ADARB2: variants seen among roughly 807,000 people sequenced by gnomAD.
ADARB2 encodes the protein inactive double-stranded RNA-specific editase B2.
Under a neutral mutation model 62.2 loss-of-function variants are expected in ADARB2, and 25 were observed. The observed-to-expected ratio is 0.40, with a 90% CI of 0.29 to 0.56. The LOEUF (loss-of-function observed/expected upper bound fraction) is 0.56. ADARB2 is among the 20% of genes least tolerant of loss of function. The probability of loss-of-function intolerance (pLI) is 0.43; values close to 1 mark genes in which losing one functional copy is unlikely to be tolerated. For missense variants in ADARB2, 1,071 were observed against 1,077.4 expected (o/e 0.99, Z 0.08); for synonymous variants, 572 against 500.8 (o/e 1.14, Z -1.90).
At chr10:1,729,025 A>G (rs1835200041) in intron 1 of ADARB2, among the ~76,000 whole-genome samples, 1 of 152,230 alleles carries the variant, frequency 6.6e-6, no homozygotes, top group Non-Finnish European at 1.5e-5. Context: ...ATTGGCATAG[A>G]ATTCTGAGAA....
chr10:1,587,673 T>C (rs1833198039), intron 1 of ADARB2, among the ~76,000 whole-genome samples: 2 of 152,208 alleles, frequency 1.3e-5, no homozygotes, highest in South Asian at 4.1e-4. Flanking sequence ...CATTTTATTT[T>C]TTTCTGTGCT....
intron 3 of ADARB2, among the ~76,000 whole-genome samples, chr10:1,351,119 G>A (rs1466819124): frequency 6.6e-6 from 1 of 152,086 alleles, no homozygotes; most frequent in Non-Finnish European, 1.5e-5. Context: ...CTGAAAATCA[G>A]ACTGTTCAAC....
At position 1,242,152 on chromosome 10, in the gene ADARB2, G is replaced by A. The variant is rs758570790; in HGVS notation, c.1340C>T (p.Thr447Met). ...TCACCTCAGGTGCAGCTCCAGCTGC[G>A]TGTAGAGGAAGTGCAGGAACGCCCG... ...ARRAFLHFLY[T>M]QLELHLSKRR... The change falls in exon 5 of 10, where the codon ACG (threonine) becomes ATG (methionine). Residue 447 changes from threonine (T) to methionine (M), a missense_variant. Transcript: ENST00000381312. 54 of 1,609,196 alleles carry A rather than the reference G, an allele frequency of 3.4e-5. No individual in the cohort carries two copies. The highest frequency in any genetic ancestry group is 1.7e-4 in the Middle Eastern group (1 of 5,986).
intron 4 of ADARB2, among the ~76,000 whole-genome samples, chr10:1,270,025 T>C (rs1374479584): frequency 6.6e-6 from 1 of 152,202 alleles, no homozygotes; most frequent in Non-Finnish European, 1.5e-5. Context: ...CTTACCCAGC[T>C]ACATTGTAAG....
At chr10:1,439,685 C>T (rs1323803832) in intron 1 of ADARB2, among the ~76,000 whole-genome samples, 2 of 133,666 alleles carry the variant, frequency 1.5e-5, no homozygotes, top group African/African-American at 6.0e-5. Flanking sequence ...GTCTCCTCAG[C>T]AGATGGAGGC....
At chr10:1,600,069 T>G (rs990415285) in intron 1 of ADARB2, among the ~76,000 whole-genome samples, 1 of 152,004 alleles carries the variant, frequency 6.6e-6, no homozygotes, top group Non-Finnish European at 1.5e-5. Context: ...ATGACAACAA[T>G]TGCTTCTACT....
chr10:1,340,158 C>G (rs1388828794), intron 3 of ADARB2, among the ~76,000 whole-genome samples: 1 of 149,734 alleles, frequency 6.7e-6, no homozygotes, highest in Non-Finnish European at 1.5e-5. Flanking sequence ...CAGCATCCAC[C>G]AGAGAACCAC....
intron 3 of ADARB2, among the ~76,000 whole-genome samples, chr10:1,301,242 G>A (rs549712455): frequency 6.6e-6 from 1 of 152,160 alleles, no homozygotes; most frequent in African/African-American, 2.4e-5. Flanking sequence ...AAGATAAAAT[G>A]TTTACTTAAT....
intron 8 of ADARB2, among the ~76,000 whole-genome samples, chr10:1,190,245 C>T (rs1021849496): frequency 2.6e-5 from 4 of 152,086 alleles, no homozygotes; most frequent in African/African-American, 9.7e-5. Context: ...AACACGTACA[C>T]GTGCTTGCAC....
chr10:1,359,913 T>C (rs1832236064), intron 3 of ADARB2, among the ~76,000 whole-genome samples: 1 of 152,264 alleles, frequency 6.6e-6, no homozygotes, highest in African/African-American at 2.4e-5. Context: ...GATGATTCTA[T>C]GCACCATCAC....
intron 1 of ADARB2, among the ~76,000 whole-genome samples, chr10:1,480,558 C>T (rs564669998): frequency 6.7e-4 from 102 of 152,174 alleles, no homozygotes; most frequent in Non-Finnish European, 1.1e-3. Context: ...ATTAGCTGGC[C>T]GTGGTGGCTG....
chr10:1,177,802 G>T lies in ADARB2; in HGVS notation c.*5391C>A, dbSNP rs4880783. The stretch of plus-strand genomic sequence containing the variant: ...CCGCAGGAGTGATATTGTTTGGTGT[G>T]AATCTCTAGAGGCCAGCGCGGTGGC... On this transcript the variant is annotated 3_prime_UTR_variant, in exon 10 of 10. Coordinates refer to ENST00000381312, the MANE Select transcript of ADARB2 (RefSeq NM_018702.4). 0.7 allele frequency: 106,863 copies of T among 152,204 alleles called. 38,202 individuals carry two copies. Among genetic ancestry groups the T allele is most frequent in the Non-Finnish European group, 0.77 (52,521 of 68,030 alleles). The allele number at this position is 152,204 out of a possible 1,614,324, so 9.4% of individuals were successfully genotyped here.
intron 1 of ADARB2, among the ~76,000 whole-genome samples, chr10:1,508,463 A>G (rs371487093): frequency 2.6e-5 from 4 of 152,270 alleles, no homozygotes; most frequent in South Asian, 4.1e-4. Flanking sequence ...TGCCTACATT[A>G]TTGTTTTCAC....
At chr10:1,331,119 TAAC>T (rs1208892650) in intron 3 of ADARB2, among the ~76,000 whole-genome samples, 3 of 152,250 alleles carry the variant, frequency 2.0e-5, no homozygotes, top group East Asian at 1.9e-4. Flanking sequence ...AGAAAGATAA[TAAC>T]AAGTGTTGAC....
At chr10:1,431,580 C>A (rs1830778235) in intron 1 of ADARB2, among the ~76,000 whole-genome samples, 1 of 151,386 alleles carries the variant, frequency 6.6e-6, no homozygotes, top group African/African-American at 2.4e-5. Context: ...AAAAATAAAC[C>A]CAAAGCAAGC....
intron 5 of ADARB2, 56 bp from the exon 6 acceptor site, chr10:1,233,901 C>T: frequency 6.4e-7 from 1 of 1,561,420 alleles, no homozygotes; most frequent in South Asian, 1.2e-5. Flanking sequence ...AGAAATGTTC[C>T]AACCAGGTGA....
At chr10:1,289,848 C>T (rs1449410186) in intron 3 of ADARB2, among the ~76,000 whole-genome samples, 2 of 152,256 alleles carry the variant, frequency 1.3e-5, no homozygotes, top group African/African-American at 4.8e-5. Flanking sequence ...GGCAGGTAGG[C>T]GTTCGCCAAA....
At chr10:1,203,652 G>C (rs914982500) in intron 7 of ADARB2, among the ~76,000 whole-genome samples, 4 of 152,262 alleles carry the variant, frequency 2.6e-5, no homozygotes, top group Non-Finnish European at 5.9e-5. Flanking sequence ...GCGGCCATCA[G>C]CTTTCTCGGT....
At chr10:1,309,967 A>G (rs1766930563) in intron 3 of ADARB2, among the ~76,000 whole-genome samples, 1 of 152,154 alleles carries the variant, frequency 6.6e-6, no homozygotes, top group African/African-American at 2.4e-5. Context: ...AGCGTCTTCC[A>G]TCCCTGAGAT....
Sources: gnomAD v4.1 joint callset for allele counts (sites outside exome capture counted in the v4.1 genomes callset) on GRCh38, gnomAD v4.1.1 for gene constraint, MANE v1.5 for transcripts, NCBI Gene and HGNC (gene_info 2026-07-23, HGNC 2026-07-21) for gene names.